SPECC1L: variants seen among roughly 807,000 people sequenced by gnomAD.
SPECC1L encodes cytospin-A.
In SPECC1L, 40 loss-of-function variants were observed where a neutral mutation model predicts 116.8. The ratio of observed to expected loss-of-function variants is 0.34; its 90% CI spans 0.27 to 0.45. The LOEUF is 0.45. Ranked by LOEUF, SPECC1L falls within the 20% of genes least tolerant of loss-of-function variation. The pLI is 1.00. For synonymous variants in SPECC1L, 504 were observed against 500.6 expected, an observed-to-expected ratio of 1.01 and a Z score of -0.09; for missense variants, 1,110 against 1,373.6, an observed-to-expected ratio of 0.81 and a Z score of 3.03.
chr22:24,321,683 C>T lies in SPECC1L; in HGVS notation c.703C>T (p.Gln235Ter), dbSNP rs1384609166. The T allele has an allele frequency of 6.2e-7, 1 of 1,614,108 alleles. No homozygotes were observed. The highest frequency in any genetic ancestry group is 8.5e-7 in the Non-Finnish European group (1 of 1,180,048). ...TGAGAAGGAAACTATTATGGCTCAC[C>T]AGCCGACTGATGTGGAGTCCACTTT... ...KSEKETIMAH[Q>*]PTDVESTLLQ... The change falls in exon 5 of 17, where the codon CAG becomes TAG. Residue 235 changes from glutamine to a stop codon, truncating the protein, a stop_gained. Transcript: ENST00000314328. LOFTEE classifies it high-confidence loss of function.
At chr22:24,288,459 A>G (rs1353638233) in intron 2 of SPECC1L, among the ~76,000 whole-genome samples, 1 of 152,094 alleles carries the variant, frequency 6.6e-6, no homozygotes, top group African/African-American at 2.4e-5. Flanking sequence ...CACTAGACAC[A>G]GGGAAAAAGA....
At chr22:24,375,722 A>G (rs942789394) in intron 14 of SPECC1L, among the ~76,000 whole-genome samples, 2 of 152,216 alleles carry the variant, frequency 1.3e-5, no homozygotes, top group African/African-American at 4.8e-5. Flanking sequence ...TGGGAGGCCA[A>G]GGCGGGTGAT....
At chr22:24,303,098 G>A (rs990851053) in intron 3 of SPECC1L, among the ~76,000 whole-genome samples, 1 of 152,124 alleles carries the variant, frequency 6.6e-6, no homozygotes, top group Admixed American at 6.5e-5. Context: ...AGCTGGACTA[G>A]AGGTGTGCGT....
intron 14 of SPECC1L, among the ~76,000 whole-genome samples, chr22:24,383,690 A>G (rs539100880): frequency 2.0e-5 from 3 of 151,392 alleles, no homozygotes; most frequent in Non-Finnish European, 1.5e-5. Flanking sequence ...TTGCCTGAGT[A>G]CAATGGTGCG....
intron 15 of SPECC1L, 69 bp from the exon 16 acceptor site, chr22:24,412,579 A>G: frequency 1.4e-6 from 2 of 1,426,880 alleles, no homozygotes; most frequent in East Asian, 4.5e-5. Flanking sequence ...TGTCCCAGGC[A>G]GTTGTGGAGG....
chr22:24,295,897 A>C (rs2330758), intron 2 of SPECC1L, among the ~76,000 whole-genome samples: 1 of 152,156 alleles, frequency 6.6e-6, no homozygotes, highest in Non-Finnish European at 1.5e-5. Flanking sequence ...GCAGTGAGCC[A>C]AGGTCGTGCC....
intron 2 of SPECC1L, among the ~76,000 whole-genome samples, chr22:24,284,729 C>T (rs2049009687): frequency 6.6e-6 from 1 of 152,094 alleles, no homozygotes; most frequent in African/African-American, 2.4e-5. Flanking sequence ...ACCACAACAC[C>T]CAGCTGAGAA....
intron 11 of SPECC1L, among the ~76,000 whole-genome samples, chr22:24,362,312 T>C (rs1478117473): frequency 6.6e-6 from 1 of 152,160 alleles, no homozygotes; most frequent in African/African-American, 2.4e-5. Context: ...GTGATCAGGT[T>C]AGCCAGGATT....
At chr22:24,351,828 A>G (rs186514360) in intron 11 of SPECC1L, among the ~76,000 whole-genome samples, 43 of 152,332 alleles carry the variant, frequency 2.8e-4, no homozygotes, top group Non-Finnish European at 4.7e-4. Flanking sequence ...TTAAAAATAC[A>G]GTGTGTAATT....
At chr22:24,340,468 GCTCT>G (rs1323391073) in intron 10 of SPECC1L, among the ~76,000 whole-genome samples, 5 of 151,960 alleles carry the variant, frequency 3.3e-5, no homozygotes, top group East Asian at 1.9e-4. Context: ...TTTTTTATGT[GCTCT>G]CTATTAATCA....
At chr22:24,332,146 A>G (rs1290739621) in intron 8 of SPECC1L, among the ~76,000 whole-genome samples, 1 of 152,238 alleles carries the variant, frequency 6.6e-6, no homozygotes, top group Non-Finnish European at 1.5e-5. Context: ...GAAAACAGTT[A>G]AGACAGCCTA....
At chr22:24,323,674 C>A (rs2040764569) in intron 5 of SPECC1L, among the ~76,000 whole-genome samples, 1 of 152,020 alleles carries the variant, frequency 6.6e-6, no homozygotes, top group African/African-American at 2.4e-5. Flanking sequence ...TTTCATATAT[C>A]TTTGGCTAAA....
chr22:24,302,414 G>A, intron 3 of SPECC1L, 30 bp downstream of exon 3: 1 of 1,612,484 alleles, frequency 6.2e-7, no homozygotes, highest in Non-Finnish European at 8.5e-7. Flanking sequence ...ATACATGATG[G>A]GTTTTTGGAG....
chr22:24,336,718 A>G (rs966007288), intron 9 of SPECC1L, among the ~76,000 whole-genome samples: 11 of 152,312 alleles, frequency 7.2e-5, no homozygotes, highest in African/African-American at 2.4e-4. Context: ...ATGTTTTTTA[A>G]AAGCCTCATG....
intron 11 of SPECC1L, among the ~76,000 whole-genome samples, chr22:24,354,681 T>G (rs1342847609): frequency 1.3e-5 from 2 of 151,750 alleles, no homozygotes; most frequent in Non-Finnish European, 2.9e-5. Flanking sequence ...TTTTTTTTTT[T>G]TTTTGAGACA....
At position 24,329,631 on chromosome 22, in the gene SPECC1L, T is replaced by C. The variant is rs55754634; in HGVS notation, c.2221-625T>C. ...CTCAGGCATGCCCCAGCTATGGCTC[T>C]GATGGAGGTGAGTCCCAGGGAGACT... On this transcript the variant is annotated intron_variant, in intron 7 of 16. Transcript: ENST00000314328. Among the ~76,000 whole-genome samples, 1,124 of 152,300 alleles carry C rather than the reference T, an allele frequency of 7.4e-3. 6 individuals are homozygous for C. The highest frequency in any genetic ancestry group is 0.013 in the South Asian group (61 of 4,824).
At chr22:24,346,229 A>G (rs571098818) in intron 10 of SPECC1L, among the ~76,000 whole-genome samples, 3 of 152,124 alleles carry the variant, frequency 2.0e-5, no homozygotes, top group South Asian at 4.1e-4. Context: ...GCTGGTCTCA[A>G]ACTCCTGAGA....
intron 10 of SPECC1L, among the ~76,000 whole-genome samples, chr22:24,345,282 C>T (rs2041268223): frequency 6.6e-6 from 1 of 152,104 alleles, no homozygotes; most frequent in Non-Finnish European, 1.5e-5. Flanking sequence ...TAACCTCAGC[C>T]CGTACCTTAT....
At chr22:24,275,645 T>G (rs1292671067) in intron 1 of SPECC1L, among the ~76,000 whole-genome samples, 2 of 151,868 alleles carry the variant, frequency 1.3e-5, no homozygotes, top group Non-Finnish European at 2.9e-5. Flanking sequence ...GCATATAGCC[T>G]AAGGAAAACA....
Sources: gnomAD v4.1 joint callset for allele counts (sites outside exome capture counted in the v4.1 genomes callset) on GRCh38, gnomAD v4.1.1 for gene constraint, MANE v1.5 for transcripts, NCBI Gene and HGNC (gene_info 2026-07-23, HGNC 2026-07-21) for gene names.